Variants in NTRK3 observed in about 807,000 individuals in gnomAD.
NTRK3 encodes NT-3 growth factor receptor.
NTRK3 carries 24 observed loss-of-function variants against 91.7 expected under a neutral mutation model. That is an observed-to-expected ratio of 0.26 (90% CI 0.19 to 0.37). NTRK3 has a LOEUF of 0.37. NTRK3 is among the 10% of genes least tolerant of loss of function. NTRK3 has a pLI of 1.00. For missense variants in NTRK3, 880 were observed against 1,068.9 expected (o/e 0.82, Z 2.46); for synonymous variants, 483 against 404.0 (o/e 1.20, Z -2.34).
At chr15:88,112,629 G>A (rs1409581181) in intron 13 of NTRK3, among the ~76,000 whole-genome samples, 2 of 152,214 alleles carry the variant, frequency 1.3e-5, no homozygotes, top group African/African-American at 4.8e-5. Context: ...CACTGGCCAT[G>A]TGGAAACTTG....
At chr15:88,171,329 G>A (rs2045496087) in intron 5 of NTRK3, among the ~76,000 whole-genome samples, 1 of 152,176 alleles carries the variant, frequency 6.6e-6, no homozygotes, top group Non-Finnish European at 1.5e-5. Flanking sequence ...ATACACTGAT[G>A]AGCTGGCAAG....
exon 7 of NTRK3, chr15:88,137,417 G>C: frequency 6.2e-7 from 1 of 1,613,896 alleles, no homozygotes; most frequent in Non-Finnish European, 8.5e-7. Flanking sequence ...ACTGACTGAT[G>C]TTCATGCGGA....
rs377224492 is a variant in NTRK3, at chr15:87,904,064, T to C, written c.2134-23636A>G. ...CTTAGGTTCCTTAGAAATACTAAGTTTGTTTGGGTGGGGAGATATCCCAGC... is the reference window on the plus strand; with the variant it reads ...CTTAGGTTCCTTAGAAATACTAAGTCTGTTTGGGTGGGGAGATATCCCAGC... On this transcript the variant is annotated intron_variant, in intron 17 of 18. Coordinates refer to ENST00000394480, the Ensembl canonical transcript of NTRK3. Among the ~76,000 whole-genome samples, 5 of 152,164 alleles carry C rather than the reference T, an allele frequency of 3.3e-5. No homozygotes were observed. The South Asian group carries it at 1.0e-3, about 32-fold the overall frequency.
At chr15:88,045,291 C>CT (rs1279691147) in intron 13 of NTRK3, among the ~76,000 whole-genome samples, 11 of 152,180 alleles carry the variant, frequency 7.2e-5, no homozygotes, top group African/African-American at 2.7e-4. Flanking sequence ...AGTAAGGAAC[C>CT]TGTCTGCATT....
chr15:88,019,035 T>G (rs918292426), intron 14 of NTRK3, among the ~76,000 whole-genome samples: 1 of 152,106 alleles, frequency 6.6e-6, no homozygotes, highest in Admixed American at 6.5e-5. Context: ...ACCAAGATAG[T>G]TGGATCCAGC....
intron 3 of NTRK3, among the ~76,000 whole-genome samples, chr15:88,223,420 A>G (rs1445154379): frequency 6.6e-6 from 1 of 152,224 alleles, no homozygotes; most frequent in African/African-American, 2.4e-5. Context: ...AGCAGCTGGC[A>G]GGCGAAGACT....
chr15:88,182,127 C>T (rs577631085), intron 5 of NTRK3, among the ~76,000 whole-genome samples: 1 of 152,210 alleles, frequency 6.6e-6, no homozygotes, highest in Admixed American at 6.5e-5. Flanking sequence ...GGTCTCAGTC[C>T]CCTGGGGCTG....
intron 5 of NTRK3, among the ~76,000 whole-genome samples, chr15:88,153,218 T>C (rs1305857787): frequency 2.0e-5 from 3 of 152,098 alleles, no homozygotes; most frequent in African/African-American, 7.2e-5. Context: ...TCATCAAGTA[T>C]CTATCCCTTT....
intron 5 of NTRK3, among the ~76,000 whole-genome samples, chr15:88,175,003 T>C (rs2045868075): frequency 6.6e-6 from 1 of 152,184 alleles, no homozygotes; most frequent in Non-Finnish European, 1.5e-5. Flanking sequence ...TAATAACATC[T>C]CTCTCATTTG....
intron 14 of NTRK3, among the ~76,000 whole-genome samples, chr15:87,989,266 A>G (rs1393027384): frequency 1.3e-5 from 2 of 152,248 alleles, no homozygotes; most frequent in Non-Finnish European, 2.9e-5. Context: ...ATGTCCATCA[A>G]TGATAGACTG....
intron 14 of NTRK3, among the ~76,000 whole-genome samples, chr15:87,968,657 A>G (rs1203186076): frequency 6.6e-6 from 1 of 152,068 alleles, no homozygotes; most frequent in African/African-American, 2.4e-5. Flanking sequence ...ACCTCACCTC[A>G]CCACCCCTAA....
chr15:88,229,472 A>G (rs1040320971), intron 3 of NTRK3, among the ~76,000 whole-genome samples: 1 of 152,184 alleles, frequency 6.6e-6, no homozygotes, highest in Non-Finnish European at 1.5e-5. Flanking sequence ...TGAACCTTCA[A>G]AGATGTGAGG....
In NTRK3 at chr15:87,880,437, G is replaced by T. The variant is rs753756847; in HGVS notation, c.2134-9C>A. 8.7e-6 allele frequency: 14 copies of T among 1,613,714 alleles called. No individual in the cohort carries two copies. In the East Asian group the frequency reaches 2.9e-4, roughly 33 times the overall value. On this transcript the variant is annotated splice_polypyrimidine_tract_variant and intron_variant, in intron 17 of 18. Coordinates refer to ENST00000394480, the Ensembl canonical transcript of NTRK3. The stretch of plus-strand genomic sequence containing the variant: ...ATGGTGTGTCCTCCCACCTAAAAGG[G>T]GTTGAGATAGAGGCACACAGAGTGA...
chr15:88,039,112 G>A (rs1268864832), intron 13 of NTRK3, among the ~76,000 whole-genome samples: 6 of 136,922 alleles, frequency 4.4e-5, no homozygotes, highest in African/African-American at 8.3e-5. Flanking sequence ...TGTCTATTGA[G>A]CCCTCAACAC....
At chr15:87,915,934 A>C (rs745525371) in intron 17 of NTRK3, among the ~76,000 whole-genome samples, 1 of 152,172 alleles carries the variant, frequency 6.6e-6, no homozygotes, top group Non-Finnish European at 1.5e-5. Context: ...GCCTGACTGC[A>C]ATGTCAGTGG....
At chr15:88,020,284 TC>T (rs2077512464) in intron 14 of NTRK3, among the ~76,000 whole-genome samples, 1 of 152,144 alleles carries the variant, frequency 6.6e-6, no homozygotes, top group African/African-American at 2.4e-5. Context: ...AGAGTTTCGG[TC>T]TCATTAACCC....
At chr15:88,009,521 T>G (rs2076722595) in intron 14 of NTRK3, among the ~76,000 whole-genome samples, 2 of 152,216 alleles carry the variant, frequency 1.3e-5, no homozygotes, top group Non-Finnish European at 2.9e-5. Context: ...AAACTGGAAA[T>G]GCAGAGATTT....
intron 8 of NTRK3, 133 bp downstream of exon 8, chr15:88,136,334 A>G: frequency 8.4e-7 from 1 of 1,183,460 alleles, no homozygotes; most frequent in East Asian, 2.4e-5. Context: ...GCTAGAAAAT[A>G]TTGCAGCTGC....
At chr15:87,878,901 T>C (rs28701882) in intron 18 of NTRK3, among the ~76,000 whole-genome samples, 7,612 of 141,530 alleles carry the variant, frequency 0.054, 553 homozygotes, top group African/African-American at 0.17. Flanking sequence ...TTCAGGTGCA[T>C]GCATGGTGTG....
Sources: allele counts gnomAD v4.1 joint callset (sites outside exome capture counted in the v4.1 genomes callset), GRCh38; gene constraint gnomAD v4.1.1; transcripts MANE v1.5; gene names NCBI Gene and HGNC (gene_info 2026-07-23, HGNC 2026-07-21).